Variants in ZMYM2 observed in about 807,000 individuals in gnomAD.
ZMYM2 encodes zinc finger MYM-type protein 2.
Under a neutral mutation model 162.8 loss-of-function variants are expected in ZMYM2, and 56 were observed. The ratio of observed to expected loss-of-function variants is 0.34; its 90% CI spans 0.28 to 0.43. ZMYM2 has a LOEUF of 0.43. Among genes scored for constraint, ZMYM2 ranks in the 20% least tolerant of loss-of-function variants. The probability of loss-of-function intolerance (pLI) is 1.00; values close to 1 mark genes in which losing one functional copy is unlikely to be tolerated. For missense variants in ZMYM2, 1,275 were observed against 1,621.8 expected, an observed-to-expected ratio of 0.79 and a Z score of 3.67; for synonymous variants, 510 against 541.6, an observed-to-expected ratio of 0.94 and a Z score of 0.81.
At chr13:19,907,596 C>T in the ZMYM2 span, among the ~76,000 whole-genome samples, 6 of 151,802 alleles carry the variant, frequency 4.0e-5, no homozygotes, top group East Asian at 1.2e-3. Flanking sequence ...CCTGTCTCTA[C>T]TAAAAATACA....
chr13:20,039,619 G>T lies in ZMYM2; in HGVS notation c.2292+2710G>T, dbSNP rs553176405. ...CTCCCGAGTAGCTGGGACTGCAGGC[G>T]CCCGCCACCATGCCCAGCTAATTTT... On this transcript the variant is annotated intron_variant, in intron 12 of 24. Coordinates refer to ENST00000610343, the MANE Select transcript of ZMYM2 (RefSeq NM_197968.4). Among the ~76,000 whole-genome samples the T allele has an allele frequency of 5.3e-5, 8 of 151,920 alleles. No homozygotes were observed. The South Asian group carries it at 1.5e-3, about 28-fold the overall frequency.
the ZMYM2 span, among the ~76,000 whole-genome samples, chr13:19,910,777 T>C: frequency 1.3e-5 from 2 of 152,012 alleles, no homozygotes; most frequent in African/African-American, 4.8e-5. Context: ...CTAAATACAA[T>C]GAGAATAGTT....
the ZMYM2 span, among the ~76,000 whole-genome samples, chr13:19,913,806 C>A: frequency 6.6e-6 from 1 of 152,312 alleles, no homozygotes; most frequent in East Asian, 1.9e-4. Context: ...TTACATGAAG[C>A]ATTCGCCTGA....
chr13:19,959,735 A>C, intron 1 of ZMYM2: 1 of 151,680 alleles, frequency 6.6e-6, no homozygotes, highest in African/African-American at 2.4e-5. Context: ...TCCCTTCCAG[A>C]TTTTGCCTTT....
intron 9 of ZMYM2, among the ~76,000 whole-genome samples, chr13:20,028,597 A>G (rs1386564081): frequency 6.6e-6 from 1 of 152,122 alleles, no homozygotes; most frequent in Admixed American, 6.5e-5. Context: ...GCAGATATAA[A>G]ATTCCAGGAT....
At position 19,987,111 on chromosome 13, in the gene ZMYM2, CAAAAAAAA is replaced by C. The variant is rs58588019; in HGVS notation, c.-10-5930_-10-5923del. ...TGGGCAAGAGAGCAAGGCTCCGTCT[CAAAAAAAA>C]AAAAAAAAAAAAAAAAAAAAATTTC... is the stretch of plus-strand genomic sequence containing the variant. On this transcript the variant is annotated intron_variant, in intron 2 of 24. Coordinates refer to ENST00000610343, the MANE Select transcript of ZMYM2 (RefSeq NM_197968.4). 1.4e-3 allele frequency among the ~76,000 whole-genome samples: 56 copies of C among 40,956 alleles called. 1 individual carries two copies. The highest frequency in any genetic ancestry group is 2.5e-3 in the African/African-American group (38 of 14,932). The allele number at this position is 40,956 out of a possible 152,430, so 26.9% of individuals were successfully genotyped here.
intron 2 of ZMYM2, among the ~76,000 whole-genome samples, chr13:19,980,958 C>T (rs572432452): frequency 3.9e-4 from 59 of 151,708 alleles, no homozygotes; most frequent in African/African-American, 1.3e-3. Flanking sequence ...GTATTAGTAC[C>T]GTGATGAATT....
At chr13:20,022,852 T>G (rs1566321011) in intron 7 of ZMYM2, among the ~76,000 whole-genome samples, 1 of 152,190 alleles carries the variant, frequency 6.6e-6, no homozygotes, top group South Asian at 2.1e-4. Context: ...GTGCTTTGGA[T>G]TCCTTTGGTA....
chr13:19,870,580 T>TTTCCTTCC, the ZMYM2 span, among the ~76,000 whole-genome samples: 10,063 of 132,018 alleles, frequency 0.076, 415 homozygotes, highest in Middle Eastern at 0.12. Context: ...CCTTCTTTCC[T>TTTCCTTCC]TTCCTTCCTT....
At chr13:20,032,315 G>T (rs7984385) in intron 10 of ZMYM2, among the ~76,000 whole-genome samples, 17 of 151,932 alleles carry the variant, frequency 1.1e-4, no homozygotes, top group African/African-American at 3.9e-4. Flanking sequence ...TTTCATAAGG[G>T]GGCAGTAATA....
chr13:19,940,177 AAAAG>A, the ZMYM2 span, among the ~76,000 whole-genome samples: 4 of 152,224 alleles, frequency 2.6e-5, no homozygotes, highest in African/African-American at 4.8e-5. Context: ...ACCTAATTTT[AAAAG>A]AAAGAAAGAA....
intron 21 of ZMYM2, among the ~76,000 whole-genome samples, chr13:20,073,836 T>C (rs1233481944): frequency 6.6e-6 from 1 of 152,198 alleles, no homozygotes; most frequent in Non-Finnish European, 1.5e-5. Context: ...TTTTTTTCTC[T>C]CAGTTTTTGT....
intron 21 of ZMYM2, among the ~76,000 whole-genome samples, chr13:20,074,635 T>G (rs867855076): frequency 6.6e-6 from 1 of 151,292 alleles, no homozygotes; most frequent in Middle Eastern, 3.2e-3. Context: ...GCCTCCTGGG[T>G]TCACGCCATT....
chr13:20,051,265 T>C (rs2140569645), intron 12 of ZMYM2, among the ~76,000 whole-genome samples, 168 bp from the exon 13 acceptor site: 1 of 151,854 alleles, frequency 6.6e-6, no homozygotes, highest in African/African-American at 2.4e-5. Flanking sequence ...ATTTTTTTTT[T>C]TTTTTTTCAT....
rs770246630 is a variant in ZMYM2, at chr13:20,082,768, C to T, written c.3569-13C>T. On this transcript the variant is annotated splice_polypyrimidine_tract_variant and intron_variant, in intron 22 of 24. Coordinates refer to ENST00000610343, the MANE Select transcript of ZMYM2 (RefSeq NM_197968.4). ...TTATTATAATTCTTTTAAAATAGTT[C>T]TCTCTATTTAAGGGTCAATATTCTC... is the stretch of plus-strand genomic sequence containing the variant. 11 of 1,521,596 alleles carry T rather than the reference C, an allele frequency of 7.2e-6. No individual in the cohort carries two copies. The highest frequency in any genetic ancestry group is 8.8e-6 in the Non-Finnish European group (10 of 1,134,552). The allele number at this position is 1,521,596 out of a possible 1,614,324, so 94.3% of individuals were successfully genotyped here. A position where few individuals can be genotyped will look rare whatever the true frequency, so the allele number is the denominator to read the frequency against.
At chr13:19,876,561 G>A in the ZMYM2 span, among the ~76,000 whole-genome samples, 1 of 150,974 alleles carries the variant, frequency 6.6e-6, no homozygotes, top group East Asian at 2.0e-4. Flanking sequence ...GACCTCAAGT[G>A]ATCTGCCTGC....
At chr13:20,085,451 A>ATATT (rs1325892626) in intron 24 of ZMYM2, among the ~76,000 whole-genome samples, 1 of 152,216 alleles carries the variant, frequency 6.6e-6, no homozygotes, top group Non-Finnish European at 1.5e-5. Flanking sequence ...GCTGCCATAC[A>ATATT]TATTTCATCA....
intron 2 of ZMYM2, among the ~76,000 whole-genome samples, chr13:19,989,216 CTTTTTAA>C (rs1219860590): frequency 2.6e-5 from 4 of 152,108 alleles, no homozygotes; most frequent in Non-Finnish European, 4.4e-5. Context: ...TGTTCTCTAA[CTTTTTAA>C]TTTTTAATTT....
the ZMYM2 span, among the ~76,000 whole-genome samples, chr13:19,896,927 G>T: frequency 1.3e-5 from 2 of 151,258 alleles, no homozygotes; most frequent in South Asian, 4.2e-4. Flanking sequence ...ACAAAAATTA[G>T]CTGGGCGTGG....
Sources: gnomAD v4.1 joint callset for allele counts (sites outside exome capture counted in the v4.1 genomes callset) on GRCh38, gnomAD v4.1.1 for gene constraint, MANE v1.5 for transcripts, NCBI Gene and HGNC (gene_info 2026-07-23, HGNC 2026-07-21) for gene names.